Variants in SLC7A11 observed in about 807,000 individuals in gnomAD.
SLC7A11 encodes cystine/glutamate transporter.
A neutral mutation model predicts 54.5 loss-of-function variants in SLC7A11; 35 were observed. The ratio of observed to expected loss-of-function variants is 0.64; its 90% CI spans 0.49 to 0.85. The LOEUF is 0.85. Among genes scored for constraint, SLC7A11 ranks in the 40% least tolerant of loss-of-function variants. The probability of loss-of-function intolerance (pLI) is 0.00; values close to 1 mark genes in which losing one functional copy is unlikely to be tolerated. For synonymous variants in SLC7A11, 230 were observed against 225.2 expected (o/e 1.02, Z -0.19); for missense variants, 583 against 618.1 (o/e 0.94, Z 0.60).
At chr4:138,224,013 G>A (rs1737880556) in intron 3 of SLC7A11, among the ~76,000 whole-genome samples, 1 of 152,156 alleles carries the variant, frequency 6.6e-6, no homozygotes, top group Non-Finnish European at 1.5e-5. Flanking sequence ...CATTCTTACT[G>A]ATGCTGTCTA....
rs1285616748 is a variant in SLC7A11, at chr4:138,166,391, A to C, written c.*5565T>G. On this transcript the variant is annotated 3_prime_UTR_variant, in exon 12 of 12. Coordinates refer to ENST00000280612, the MANE Select transcript of SLC7A11 (RefSeq NM_014331.4). The stretch of plus-strand genomic sequence containing the variant: ...CTGTCACACAAGGTACTCAAAATAC[A>C]GTCACCACTGCAAAAGAGATACCTG... The C allele has an allele frequency of 6.6e-6, 1 of 152,300 alleles. No individual in the cohort carries two copies. The highest frequency in any genetic ancestry group is 6.5e-5 in the Admixed American group (1 of 15,284). 9.4% of individuals were successfully genotyped at this position (152,300 alleles called of 1,614,324 possible).
chr4:138,237,717 ATATATATATATATATATATATTTTTTT>A (rs1309526378), intron 1 of SLC7A11, among the ~76,000 whole-genome samples: 9 of 6,326 alleles, frequency 1.4e-3, no homozygotes, highest in African/African-American at 4.2e-3. Context: ...ATATATATAT[ATATATATATATATATATATATTTTTTT>A]TTTTTTTTTT....
intron 3 of SLC7A11, among the ~76,000 whole-genome samples, chr4:138,224,020 T>A (rs1269447141): frequency 6.6e-6 from 1 of 152,184 alleles, no homozygotes; most frequent in Admixed American, 6.5e-5. Context: ...ACTGATGCTG[T>A]CTACAATTTC....
chr4:138,184,448 C>G (rs965333018), intron 7 of SLC7A11, among the ~76,000 whole-genome samples: 2 of 152,034 alleles, frequency 1.3e-5, no homozygotes, highest in Non-Finnish European at 2.9e-5. Context: ...CACAGAATAA[C>G]AGTCTTATAA....
chr4:138,203,122 C>T (rs1028031282), intron 6 of SLC7A11, among the ~76,000 whole-genome samples: 5 of 152,132 alleles, frequency 3.3e-5, no homozygotes, highest in South Asian at 2.1e-4. Flanking sequence ...CTTCCCTCCC[C>T]ACCCCAATAA....
rs765575983 is a variant in SLC7A11 at position 138,179,306 on chromosome 4, A to G, written c.1355T>C (p.Ile452Thr). ...SLYSDPFSTGIGFVITLTGVP... is the reference protein window; with the variant it reads ...SLYSDPFSTGTGFVITLTGVP... ...TCCAGTCAGAGTGATGACGAAGCCA[A>G]TCCCTGTACTAAATGGGTCCGAATA... Residue 452 changes from isoleucine to threonine, a missense_variant, in exon 11 of 12, where the codon ATT (isoleucine) becomes ACT (threonine). Coordinates refer to ENST00000280612, the MANE Select transcript of SLC7A11 (RefSeq NM_014331.4). 1 of 1,612,740 alleles carries G rather than the reference A, an allele frequency of 6.2e-7. No individual in the cohort carries two copies. The highest frequency in any genetic ancestry group is 8.5e-7 in the Non-Finnish European group (1 of 1,179,110).
intron 8 of SLC7A11, 50 bp downstream of exon 8, chr4:138,183,151 TC>T: frequency 7.8e-7 from 1 of 1,279,440 alleles, no homozygotes; most frequent in South Asian, 1.2e-5. Context: ...CCTTATCACA[TC>T]CAATCTCAAA....
chr4:138,221,403 C>T (rs796808843), intron 4 of SLC7A11, among the ~76,000 whole-genome samples: 4 of 152,246 alleles, frequency 2.6e-5, no homozygotes, highest in African/African-American at 9.6e-5. Context: ...AACAAAGTCT[C>T]CTACTAGAGT....
At chr4:138,210,491 T>A (rs1477542207) in intron 6 of SLC7A11, among the ~76,000 whole-genome samples, 1 of 152,032 alleles carries the variant, frequency 6.6e-6, no homozygotes, top group Non-Finnish European at 1.5e-5. Context: ...TCACAAACTA[T>A]GTATCTGACA....
intron 6 of SLC7A11, among the ~76,000 whole-genome samples, chr4:138,187,163 A>G (rs1736900207): frequency 6.6e-6 from 1 of 152,122 alleles, no homozygotes; most frequent in African/African-American, 2.4e-5. Flanking sequence ...AGCTCCTCCA[A>G]GTCAGCCCCC....
chr4:138,221,131 A>T (rs1737799135), intron 4 of SLC7A11, among the ~76,000 whole-genome samples: 1 of 152,190 alleles, frequency 6.6e-6, no homozygotes, highest in Non-Finnish European at 1.5e-5. Context: ...AGAGTGCAGC[A>T]CCAAATAATC....
chr4:138,164,339 A>G lies in SLC7A11; in HGVS notation c.*7617T>C, dbSNP rs1736198114. 6.6e-6 allele frequency: 1 copy of G among 152,086 alleles called. No individual in the cohort carries two copies. Among genetic ancestry groups the G allele is most frequent in the Non-Finnish European group, 1.5e-5 (1 of 67,996 alleles). 9.4% of individuals were successfully genotyped at this position (152,086 alleles called of 1,614,324 possible). A position where few individuals can be genotyped will look rare whatever the true frequency, so the allele number is the denominator to read the frequency against. ...AGATGAAAACAAACACACTTACTTCATAGCATCTTACCACTTACTTACACA... is the reference window on the plus strand; with the variant it reads ...AGATGAAAACAAACACACTTACTTCGTAGCATCTTACCACTTACTTACACA... On this transcript the variant is annotated 3_prime_UTR_variant, in exon 12 of 12. Transcript: ENST00000280612.
intron 11 of SLC7A11, among the ~76,000 whole-genome samples, chr4:138,172,853 T>A (rs940948787): frequency 3.3e-5 from 5 of 152,182 alleles, no homozygotes; most frequent in African/African-American, 9.7e-5. Flanking sequence ...TTGTTTTGTT[T>A]TGATTTTTTG....
At chr4:138,237,278 T>C (rs1311757335) in intron 1 of SLC7A11, among the ~76,000 whole-genome samples, 1 of 151,674 alleles carries the variant, frequency 6.6e-6, no homozygotes, top group East Asian at 2.0e-4. Flanking sequence ...TGAGCCACTG[T>C]GCACGGCCAA....
At chr4:138,213,141 T>A (rs1211717686) in intron 6 of SLC7A11, among the ~76,000 whole-genome samples, 1 of 152,066 alleles carries the variant, frequency 6.6e-6, no homozygotes, top group Non-Finnish European at 1.5e-5. Flanking sequence ...CATTTCCAAG[T>A]AACGCTTAGA....
rs1477748852 is a variant in SLC7A11 at position 138,237,726 on chromosome 4, TATATATATATA to T, written c.278-1286_278-1276del. 2.0e-3 allele frequency among the ~76,000 whole-genome samples: 22 copies of T among 10,768 alleles called. 1 individual carries two copies. The highest frequency in any genetic ancestry group is 9.3e-3 in the South Asian group (3 of 324). 7.1% of individuals were successfully genotyped at this position (10,768 alleles called of 152,430 possible). On this transcript the variant is annotated intron_variant, in intron 1 of 11. Transcript: ENST00000280612. ...ATATATATATATATATATATATATA[TATATATATATA>T]TTTTTTTTTTTTTTTTTTTTTTTTT...
At chr4:138,205,935 A>G (rs1295230007) in intron 6 of SLC7A11, among the ~76,000 whole-genome samples, 1 of 151,968 alleles carries the variant, frequency 6.6e-6, no homozygotes, top group Non-Finnish European at 1.5e-5. Flanking sequence ...AAAATATTTG[A>G]CCCATCTTTT....
chr4:138,209,507 C>A (rs890206453), intron 6 of SLC7A11, among the ~76,000 whole-genome samples: 1 of 151,854 alleles, frequency 6.6e-6, no homozygotes, highest in Non-Finnish European at 1.5e-5. Context: ...TTTCTGGAAG[C>A]ATTTTCTGTG....
At chr4:138,182,766 T>G (rs1220025789) in intron 8 of SLC7A11, among the ~76,000 whole-genome samples, 2 of 152,108 alleles carry the variant, frequency 1.3e-5, no homozygotes, top group Non-Finnish European at 2.9e-5. Flanking sequence ...CACACCTATA[T>G]GTAGCATTCA....
Sources: allele counts gnomAD v4.1 joint callset (sites outside exome capture counted in the v4.1 genomes callset), GRCh38; gene constraint gnomAD v4.1.1; transcripts MANE v1.5; gene names NCBI Gene and HGNC (gene_info 2026-07-23, HGNC 2026-07-21).